MED12L: variants seen among roughly 807,000 people sequenced by gnomAD.
MED12L encodes the protein mediator of RNA polymerase II transcription subunit 12-like protein.
A neutral mutation model predicts 281.3 loss-of-function variants in MED12L; 60 were observed. The ratio of observed to expected loss-of-function variants is 0.21; its 90% CI spans 0.17 to 0.26. The LOEUF (loss-of-function observed/expected upper bound fraction) is 0.26. MED12L is among the 10% of genes least tolerant of loss of function. The pLI, the probability that MED12L is intolerant of heterozygous loss-of-function variation, is 1.00. For synonymous variants in MED12L, 974 were observed against 987.2 expected (o/e 0.99, Z 0.25); for missense variants, 2,146 against 2,680.9 (o/e 0.80, Z 4.41).
At chr3:151,192,727 C>T in intron 15 of MED12L, 73 bp downstream of exon 15, 1 of 923,646 alleles carries the variant, frequency 1.1e-6, no homozygotes, top group South Asian at 1.4e-5. Flanking sequence ...CTCGATCCTT[C>T]TGTGTTCTCA....
intron 5 of MED12L, among the ~76,000 whole-genome samples, chr3:151,128,597 C>T (rs1714897725): frequency 6.6e-6 from 1 of 151,802 alleles, no homozygotes; most frequent in Non-Finnish European, 1.5e-5. Flanking sequence ...GTTTGTTGTA[C>T]TTGGTTGGTC....
At chr3:151,169,829 A>G (rs1289655461) in intron 11 of MED12L, among the ~76,000 whole-genome samples, 2 of 152,244 alleles carry the variant, frequency 1.3e-5, no homozygotes, top group Non-Finnish European at 2.9e-5. Flanking sequence ...TAGATAAAAC[A>G]TGATCAACTT....
chr3:151,373,775 A>G (rs912057474), intron 27 of MED12L, among the ~76,000 whole-genome samples: 5 of 152,022 alleles, frequency 3.3e-5, no homozygotes, highest in African/African-American at 1.2e-4. Context: ...AATAGTTGGT[A>G]TTTTCATAGT....
intron 16 of MED12L, among the ~76,000 whole-genome samples, chr3:151,265,981 T>C (rs931920729): frequency 6.6e-6 from 1 of 152,120 alleles, no homozygotes; most frequent in Non-Finnish European, 1.5e-5. Flanking sequence ...CAAAGAGGCA[T>C]TTAATTGTTG....
intron 5 of MED12L, among the ~76,000 whole-genome samples, chr3:151,153,921 A>G (rs990586899): frequency 4.6e-5 from 7 of 151,906 alleles, no homozygotes; most frequent in Non-Finnish European, 1.0e-4. Flanking sequence ...GACCAATTAA[A>G]TTAGAAACTG....
intron 16 of MED12L, among the ~76,000 whole-genome samples, chr3:151,194,573 G>A (rs1333737000): frequency 6.6e-6 from 1 of 152,090 alleles, no homozygotes; most frequent in Non-Finnish European, 1.5e-5. Context: ...TTGAAAAATT[G>A]GGTAAGACTT....
chr3:151,138,648 T>G (rs1716490132), intron 5 of MED12L, among the ~76,000 whole-genome samples: 1 of 152,164 alleles, frequency 6.6e-6, no homozygotes, highest in Non-Finnish European at 1.5e-5. Context: ...TATTGTAGGG[T>G]TATCTTCTGT....
chr3:151,299,977 C>G, intron 16 of MED12L: 1 of 879,382 alleles, frequency 1.1e-6, no homozygotes, highest in East Asian at 2.4e-5. Flanking sequence ...AGTTGGTTCT[C>G]TGACCATTAA....
At chr3:151,353,888 T>C (rs1376575232) in intron 17 of MED12L, among the ~76,000 whole-genome samples, 1 of 151,962 alleles carries the variant, frequency 6.6e-6, no homozygotes, top group Admixed American at 6.6e-5. Context: ...ACGCCTGTAA[T>C]CCCAGCACTT....
intron 11 of MED12L, among the ~76,000 whole-genome samples, chr3:151,169,189 C>G (rs1250159281): frequency 7.0e-6 from 1 of 142,974 alleles, no homozygotes; most frequent in Non-Finnish European, 1.5e-5. Flanking sequence ...GTGATCTTGG[C>G]TCACTGCAAC....
intron 5 of MED12L, among the ~76,000 whole-genome samples, chr3:151,143,314 G>A (rs911310548): frequency 6.6e-6 from 1 of 152,208 alleles, no homozygotes; most frequent in Admixed American, 6.5e-5. Context: ...TACAGTAACT[G>A]CATTTAGGAC....
At chr3:151,380,056 G>C (rs1711977415) in intron 31 of MED12L, 57 bp from the exon 32 acceptor site, 1 of 1,076,618 alleles carries the variant, frequency 9.3e-7, no homozygotes, top group African/African-American at 1.6e-5. Context: ...AATGTTGCCA[G>C]AGGAAGTAAT....
rs942853137 is a variant in MED12L at position 151,375,925 on chromosome 3, A to G, written c.3865-101A>G. On this transcript the variant is annotated intron_variant, in intron 27 of 44. Transcript: ENST00000687756. ...TAATTTTTTAAATTGGAAAATTCCT[A>G]TCAGTTTTCTATTCAATTATGCACT... 2 of 619,216 alleles carry G rather than the reference A, an allele frequency of 3.2e-6. 1 individual carries two copies. Among genetic ancestry groups the G allele is most frequent in the Non-Finnish European group, 4.8e-6 (2 of 416,482 alleles). 38.4% of individuals were successfully genotyped at this position (619,216 alleles called of 1,614,324 possible).
intron 16 of MED12L, among the ~76,000 whole-genome samples, chr3:151,207,648 T>C (rs550722531): frequency 6.6e-6 from 1 of 152,238 alleles, no homozygotes; most frequent in Admixed American, 6.5e-5. Context: ...TTGGGCAGTA[T>C]TAGGTGAATC....
At chr3:151,150,658 C>G (rs1417796777) in intron 5 of MED12L, among the ~76,000 whole-genome samples, 1 of 152,218 alleles carries the variant, frequency 6.6e-6, no homozygotes, top group Non-Finnish European at 1.5e-5. Context: ...CAACAGAAGG[C>G]TGTTTTGTCT....
intron 44 of MED12L, among the ~76,000 whole-genome samples, chr3:151,431,610 A>G (rs1719519621): frequency 6.6e-6 from 1 of 152,230 alleles, no homozygotes; most frequent in Non-Finnish European, 1.5e-5. Flanking sequence ...ATGTTTCACT[A>G]ATTCCAGAAT....
In MED12L at chr3:151,360,560, A is replaced by G; in HGVS notation, c.2912A>G (p.Tyr971Cys). The G allele has an allele frequency of 2.5e-6, 4 of 1,612,796 alleles. No homozygotes were observed. Among genetic ancestry groups the G allele is most frequent in the Non-Finnish European group, 3.4e-6 (4 of 1,179,050 alleles). Residue 971 changes from tyrosine (Y) to cysteine (C), a missense_variant, in exon 21 of 45, where the codon TAT becomes TGT. Physicochemically the swap from Tyr to Cys is radical, Grantham distance 194 (BLOSUM62 -2). Transcript: ENST00000687756. ...ATTTTAGCCTACCTCTATGATCTCTATGTGTCATGTAGCCACCTCAGAAGT... is the reference window on the plus strand; with the variant it reads ...ATTTTAGCCTACCTCTATGATCTCTGTGTGTCATGTAGCCACCTCAGAAGT... ...RCILAYLYDL[Y>C]VSCSHLRSKF...
chr3:151,326,324 A>G (rs1440544058), intron 16 of MED12L: 1 of 152,624 alleles, frequency 6.6e-6, no homozygotes, highest in Non-Finnish European at 1.5e-5. Flanking sequence ...TATTTTATCA[A>G]ACATTTATTG....
At chr3:151,157,549 A>G (rs1411318125) in intron 6 of MED12L, among the ~76,000 whole-genome samples, 1 of 152,134 alleles carries the variant, frequency 6.6e-6, no homozygotes, top group Admixed American at 6.5e-5. Flanking sequence ...TAATTTTTAA[A>G]TTGACAAATG....
Sources: allele counts gnomAD v4.1 joint callset (sites outside exome capture counted in the v4.1 genomes callset), GRCh38; gene constraint gnomAD v4.1.1; transcripts MANE v1.5; gene names NCBI Gene and HGNC (gene_info 2026-07-23, HGNC 2026-07-21).